The following PRRX2 variants were observed in gnomAD, a reference collection of about 807,000 sequenced individuals.
The protein encoded by PRRX2 is paired mesoderm homeobox protein 2.
PRRX2 carries 11 observed loss-of-function variants against 18.0 expected under a neutral mutation model. That is an observed-to-expected ratio of 0.61 (90% CI 0.39 to 1.01). The LOEUF is 1.01. PRRX2 is among the 50% of genes least tolerant of loss of function. The pLI, the probability that PRRX2 is intolerant of heterozygous loss-of-function variation, is 0.01. For synonymous variants in PRRX2, 177 were observed against 154.8 expected (o/e 1.14, Z -1.06); for missense variants, 387 against 351.0 (o/e 1.10, Z -0.82).
At chr9:129,708,540 G>A (rs1467154326) in intron 1 of PRRX2, among the ~76,000 whole-genome samples, 5 of 151,988 alleles carry the variant, frequency 3.3e-5, no homozygotes, top group Admixed American at 3.3e-4. Context: ...GAGCTGTAAG[G>A]GTTCTTTATA....
chr9:129,674,276 C>T (rs909661860), intron 1 of PRRX2, among the ~76,000 whole-genome samples: 1 of 152,162 alleles, frequency 6.6e-6, no homozygotes, highest in Non-Finnish European at 1.5e-5. Context: ...GTCCCCATGG[C>T]GCCCTTGATG....
intron 1 of PRRX2, among the ~76,000 whole-genome samples, chr9:129,672,330 G>A (rs1046436251): frequency 2.0e-5 from 3 of 152,162 alleles, no homozygotes; most frequent in Non-Finnish European, 2.9e-5. Flanking sequence ...TCTGCATGTC[G>A]GCTGGGGCAT....
At chr9:129,704,961 C>T (rs755591312) in intron 1 of PRRX2, among the ~76,000 whole-genome samples, 18 of 152,198 alleles carry the variant, frequency 1.2e-4, no homozygotes, top group Admixed American at 2.6e-4. Flanking sequence ...AAACAGTTAA[C>T]GAGGGCAGCT....
At chr9:129,706,661 G>A (rs549465223) in intron 1 of PRRX2, among the ~76,000 whole-genome samples, 23 of 152,136 alleles carry the variant, frequency 1.5e-4, no homozygotes, top group Non-Finnish European at 3.2e-4. Context: ...CTAGGAGTTC[G>A]AGGCTGCAGT....
chr9:129,706,347 G>A (rs982289528), intron 1 of PRRX2, among the ~76,000 whole-genome samples: 12 of 152,006 alleles, frequency 7.9e-5, no homozygotes, highest in African/African-American at 2.9e-4. Context: ...TTGGGAGACC[G>A]AGGGGGGCAG....
At chr9:129,673,752 G>A (rs900948458) in intron 1 of PRRX2, among the ~76,000 whole-genome samples, 3 of 152,176 alleles carry the variant, frequency 2.0e-5, no homozygotes, top group African/African-American at 7.2e-5. Context: ...AGTGGTCAGG[G>A]TGGCCGCAGC....
chr9:129,720,114 C>T (rs1264110750), intron 2 of PRRX2, among the ~76,000 whole-genome samples: 1 of 152,156 alleles, frequency 6.6e-6, no homozygotes, highest in African/African-American at 2.4e-5. Context: ...TGTGCCAGCA[C>T]TGAGCCGAGT....
At position 129,722,411 on chromosome 9, in the gene PRRX2, C is replaced by G. The variant is rs973166750; in HGVS notation, c.*59C>G. ...GGGTGGACAGCAATAGAAAAGGGGGCAGACGCCCAGGAAGTGACCTTCTCC... is the reference window on the plus strand; with the variant it reads ...GGGTGGACAGCAATAGAAAAGGGGGGAGACGCCCAGGAAGTGACCTTCTCC... On this transcript the variant is annotated 3_prime_UTR_variant, in exon 4 of 4. Transcript: ENST00000372469. 16 of 1,585,616 alleles carry G rather than the reference C, an allele frequency of 1.0e-5. No individual in the cohort carries two copies. The highest frequency in any genetic ancestry group is 1.4e-5 in the Non-Finnish European group (16 of 1,164,494).
At chr9:129,673,047 A>G (rs970407981) in intron 1 of PRRX2, among the ~76,000 whole-genome samples, 1 of 152,186 alleles carries the variant, frequency 6.6e-6, no homozygotes, top group Non-Finnish European at 1.5e-5. Context: ...GAAGTGGCAT[A>G]CAGTGGACAG....
chr9:129,707,512 G>A (rs1192445306), intron 1 of PRRX2, among the ~76,000 whole-genome samples: 3 of 152,084 alleles, frequency 2.0e-5, no homozygotes, highest in East Asian at 3.9e-4. Context: ...ATGGCCGGGC[G>A]CGGTGGCTCA....
rs1033774759 is a variant in PRRX2, at chr9:129,695,488, A to G, written c.260-23743A>G. On this transcript the variant is annotated intron_variant, in intron 1 of 3. Coordinates refer to ENST00000372469, the MANE Select transcript of PRRX2 (RefSeq NM_016307.4). This position sits in a 1 kb window ranked among gnomAD's most constrained non-coding sequence, Gnocchi z 4.8. The stretch of plus-strand genomic sequence containing the variant: ...TGTGCTTCTTTGGTTTGGTTTTTAT[A>G]CACCCCACAGCCTTGTTGTGTTTAC... 3.9e-5 allele frequency among the ~76,000 whole-genome samples: 6 copies of G among 152,046 alleles called. No homozygotes were observed. Among genetic ancestry groups the G allele is most frequent in the Admixed American group, 2.0e-4 (3 of 15,268 alleles).
At chr9:129,674,179 C>T (rs1832136499) in intron 1 of PRRX2, among the ~76,000 whole-genome samples, 1 of 152,194 alleles carries the variant, frequency 6.6e-6, no homozygotes, top group South Asian at 2.1e-4. Flanking sequence ...AGCCCGGGTC[C>T]AGCTGCCCTG....
At chr9:129,679,144 G>A (rs1402303003) in intron 1 of PRRX2, among the ~76,000 whole-genome samples, 37 of 152,214 alleles carry the variant, frequency 2.4e-4, no homozygotes, top group Admixed American at 2.4e-3. Context: ...CATGGCTGGT[G>A]ATGAATTCAT....
At chr9:129,703,711 C>T (rs1000086474) in intron 1 of PRRX2, among the ~76,000 whole-genome samples, 2 of 152,194 alleles carry the variant, frequency 1.3e-5, no homozygotes, top group African/African-American at 4.8e-5. Flanking sequence ...AAGTCCTTCT[C>T]GCCTCACCAC....
At chr9:129,668,778 C>CAAAA (rs562855941) in intron 1 of PRRX2, among the ~76,000 whole-genome samples, 48 of 57,040 alleles carry the variant, frequency 8.4e-4, no homozygotes, top group Non-Finnish European at 1.1e-3. Context: ...GACTCCATCT[C>CAAAA]AAAAAAAAAA....
chr9:129,667,432 C>T (rs1832039960), intron 1 of PRRX2, among the ~76,000 whole-genome samples: 1 of 152,170 alleles, frequency 6.6e-6, no homozygotes, highest in Non-Finnish European at 1.5e-5. Context: ...GAGCCGGTCC[C>T]CCAACCCCAG....
At chr9:129,713,636 C>CTT (rs1014664199) in intron 1 of PRRX2, among the ~76,000 whole-genome samples, 1 of 144,228 alleles carries the variant, frequency 6.9e-6, no homozygotes, top group African/African-American at 2.5e-5. Context: ...TTTTTTCTTT[C>CTT]TTTTTTTTTT....
intron 1 of PRRX2, among the ~76,000 whole-genome samples, chr9:129,669,928 C>T (rs1181061192): frequency 6.6e-6 from 1 of 151,602 alleles, no homozygotes; most frequent in African/African-American, 2.4e-5. Context: ...GTGCAGTCGC[C>T]ACCACCATCC....
Position 129,715,752 on chromosome 9 carries a change from A to ACT in PRRX2, c.260-3478_260-3477insTC, listed in dbSNP as rs1254758839. 2.3e-5 allele frequency among the ~76,000 whole-genome samples: 1 copy of ACT among 43,850 alleles called. No homozygotes were observed. The highest frequency in any genetic ancestry group is 5.5e-5 in the Non-Finnish European group (1 of 18,290). 28.8% of individuals were successfully genotyped at this position (43,850 alleles called of 152,430 possible). On this transcript the variant is annotated intron_variant, in intron 1 of 3. Transcript: ENST00000372469. This position sits in a 1 kb window ranked among gnomAD's most constrained non-coding sequence, Gnocchi z 4.0. ...ACCCAGCTTCAGGGACATCTTTCTC[A>ACT]CACACACACACACACACACACACAC...
Sources: allele counts gnomAD v4.1 joint callset (sites outside exome capture counted in the v4.1 genomes callset), GRCh38; gene constraint gnomAD v4.1.1; non-coding constraint Gnocchi (gnomAD v3.1); transcripts MANE v1.5; gene names NCBI Gene and HGNC (gene_info 2026-07-23, HGNC 2026-07-21).